The following SUGCT variants were observed in gnomAD, a reference collection of about 807,000 sequenced individuals.
SUGCT encodes the protein succinyl-CoA:glutarate-CoA transferase.
SUGCT carries 41 observed loss-of-function variants against 55.0 expected under a neutral mutation model. The ratio of observed to expected loss-of-function variants is 0.74; its 90% CI spans 0.58 to 0.97. The LOEUF (loss-of-function observed/expected upper bound fraction) is 0.97. SUGCT is among the 50% of genes least tolerant of loss of function. The pLI, the probability that SUGCT is intolerant of heterozygous loss-of-function variation, is 0.00. For missense variants in SUGCT, 568 were observed against 547.8 expected (o/e 1.04, Z -0.37); for synonymous variants, 187 against 200.4 (o/e 0.93, Z 0.56).
At chr7:41,006,814 T>C in the SUGCT span, among the ~76,000 whole-genome samples, 1 of 152,208 alleles carries the variant, frequency 6.6e-6, no homozygotes, top group Non-Finnish European at 1.5e-5. Context: ...CTTTTTTTCT[T>C]CCGCATTTTA....
chr7:40,213,882 G>T (rs989997461), intron 6 of SUGCT, among the ~76,000 whole-genome samples: 3 of 152,120 alleles, frequency 2.0e-5, no homozygotes, highest in African/African-American at 7.2e-5. Context: ...ATCCTTTCAA[G>T]ATTTTCTTTT....
the SUGCT span, among the ~76,000 whole-genome samples, chr7:40,989,243 A>G: frequency 6.6e-6 from 1 of 152,184 alleles, no homozygotes; most frequent in Non-Finnish European, 1.5e-5. Context: ...AACATGTGAT[A>G]CTGTTTCATA....
At chr7:40,528,015 G>C (rs1473937718) in intron 12 of SUGCT, among the ~76,000 whole-genome samples, 25 of 152,176 alleles carry the variant, frequency 1.6e-4, no homozygotes, top group Non-Finnish European at 1.5e-5. Flanking sequence ...AACAGGATGA[G>C]TTTGCCTGAG....
At chr7:40,405,430 A>G (rs989912547) in intron 9 of SUGCT, among the ~76,000 whole-genome samples, 1 of 152,180 alleles carries the variant, frequency 6.6e-6, no homozygotes, top group Admixed American at 6.5e-5. Context: ...GCATTTGAAC[A>G]TGTTTTAATT....
intron 9 of SUGCT, among the ~76,000 whole-genome samples, chr7:40,339,480 C>T (rs528346874): frequency 1.2e-4 from 18 of 152,276 alleles, no homozygotes; most frequent in African/African-American, 4.1e-4. Flanking sequence ...TGCCATCTTG[C>T]AGTTTGATCT....
At chr7:40,965,793 C>A in the SUGCT span, 1 of 152,092 alleles carries the variant, frequency 6.6e-6, no homozygotes, top group South Asian at 2.1e-4. Flanking sequence ...CAGAGAATGA[C>A]CTCTTTGTTT....
chr7:40,202,740 C>T (rs10951626), intron 6 of SUGCT, among the ~76,000 whole-genome samples: 69,650 of 151,854 alleles, frequency 0.46, 16,197 homozygotes, highest in Middle Eastern at 0.63. Context: ...AGTTCTCCCA[C>T]TTCAGTCCCT....
chr7:40,135,747 C>T (rs1787651284), intron 1 of SUGCT, among the ~76,000 whole-genome samples: 1 of 151,916 alleles, frequency 6.6e-6, no homozygotes, highest in Non-Finnish European at 1.5e-5. Flanking sequence ...ACCTCCTCCT[C>T]CCGTGTTCAG....
chr7:40,458,945 C>T lies in SUGCT; in HGVS notation c.889-156C>T, dbSNP rs151135553. On this transcript the variant is annotated intron_variant, in intron 10 of 13. Transcript: ENST00000335693. Reference sequence around the variant, plus strand: ...TTTCACCAGCATGTTCCATCCTAATCGTGTGCTTGTTCCCTCCATATGTCC... The same window carrying T: ...TTTCACCAGCATGTTCCATCCTAATTGTGTGCTTGTTCCCTCCATATGTCC... Among the ~76,000 whole-genome samples the T allele has an allele frequency of 4.9e-4, 75 of 152,278 alleles. 2 individuals are homozygous for T. The South Asian group carries it at 0.013, about 27-fold the overall frequency.
At chr7:40,384,614 G>T (rs1219530035) in intron 9 of SUGCT, among the ~76,000 whole-genome samples, 3 of 151,614 alleles carry the variant, frequency 2.0e-5, no homozygotes, top group African/African-American at 7.3e-5. Context: ...GCAGTAGCAT[G>T]ATCTTGGCTC....
intron 6 of SUGCT, among the ~76,000 whole-genome samples, chr7:40,207,060 G>A (rs1787016445): frequency 6.6e-6 from 1 of 151,982 alleles, no homozygotes; most frequent in Admixed American, 6.6e-5. Flanking sequence ...TTAGCCAAGT[G>A]TGGTGGTGCG....
intron 9 of SUGCT, among the ~76,000 whole-genome samples, chr7:40,354,918 A>G (rs1478929449): frequency 6.6e-6 from 1 of 152,206 alleles, no homozygotes; most frequent in Non-Finnish European, 1.5e-5. Context: ...TCATGTAGCA[A>G]TTATGACTCT....
intron 13 of SUGCT, among the ~76,000 whole-genome samples, chr7:40,790,970 T>G (rs894893157): frequency 4.6e-5 from 7 of 152,218 alleles, no homozygotes; most frequent in African/African-American, 1.7e-4. Context: ...CTTATTTGCT[T>G]GCAGCTGAAA....
chr7:40,422,586 C>G (rs950727875), intron 9 of SUGCT, among the ~76,000 whole-genome samples: 1 of 152,088 alleles, frequency 6.6e-6, no homozygotes. Context: ...GTAGTTTTTA[C>G]TCTTTCCAGG....
chr7:40,955,840 G>A, the SUGCT span, among the ~76,000 whole-genome samples: 835 of 152,212 alleles, frequency 5.5e-3, 11 homozygotes, highest in African/African-American at 0.019. Flanking sequence ...TTAGCATGAA[G>A]GGTGTTGAAT....
intron 9 of SUGCT, among the ~76,000 whole-genome samples, chr7:40,418,195 C>A (rs1455439251): frequency 6.6e-6 from 1 of 152,172 alleles, no homozygotes; most frequent in African/African-American, 2.4e-5. Flanking sequence ...TCAATAGACA[C>A]TATGTCAGCA....
chr7:40,889,243 G>C, the SUGCT span, among the ~76,000 whole-genome samples: 5 of 152,152 alleles, frequency 3.3e-5, no homozygotes, highest in Non-Finnish European at 7.3e-5. Context: ...GGGACATCTG[G>C]AAAGTACGGG....
chr7:40,830,666 C>A (rs889089514), intron 13 of SUGCT, among the ~76,000 whole-genome samples: 10 of 152,132 alleles, frequency 6.6e-5, no homozygotes, highest in Non-Finnish European at 1.3e-4. Context: ...TGGCGCCAGG[C>A]CTATAGTAGG....
the SUGCT span, among the ~76,000 whole-genome samples, chr7:40,971,922 TA>T: frequency 3.3e-5 from 5 of 152,284 alleles, no homozygotes; most frequent in East Asian, 5.8e-4. Context: ...TTTTTTTACA[TA>T]AAAAATTCAT....
Sources: allele counts gnomAD v4.1 joint callset (sites outside exome capture counted in the v4.1 genomes callset), GRCh38; gene constraint gnomAD v4.1.1; transcripts MANE v1.5; gene names NCBI Gene and HGNC (gene_info 2026-07-23, HGNC 2026-07-21).